KCNH1: variants seen among roughly 807,000 people sequenced by gnomAD.
The protein encoded by KCNH1 is voltage-gated delayed rectifier potassium channel KCNH1.
A neutral mutation model predicts 69.2 loss-of-function variants in KCNH1; 27 were observed. The ratio of observed to expected loss-of-function variants is 0.39; its 90% confidence interval spans 0.29 to 0.54. The LOEUF (loss-of-function observed/expected upper bound fraction) is 0.54, where lower values mean the gene tolerates loss of function less well. KCNH1 is among the 20% of genes least tolerant of loss of function. The pLI, the probability that KCNH1 is intolerant of heterozygous loss-of-function variation, is 0.68. For missense variants in KCNH1, 798 were observed against 1,261.6 expected (o/e 0.63, Z 5.57); for synonymous variants, 456 against 487.7 (o/e 0.93, Z 0.86).
At chr1:211,068,709 T>G (rs1168176904) in intron 5 of KCNH1, among the ~76,000 whole-genome samples, 1 of 152,150 alleles carries the variant, frequency 6.6e-6, no homozygotes, top group African/African-American at 2.4e-5. Context: ...TCTTCTTAGA[T>G]ACATCAGAGA....
chr1:210,718,224 T>A (rs887729876), intron 10 of KCNH1, among the ~76,000 whole-genome samples: 3 of 136,166 alleles, frequency 2.2e-5, no homozygotes, highest in African/African-American at 8.7e-5. Flanking sequence ...GCATAAAAAA[T>A]TATATATATA....
At chr1:210,915,396 C>T (rs1687314387) in intron 7 of KCNH1, among the ~76,000 whole-genome samples, 1 of 152,180 alleles carries the variant, frequency 6.6e-6, no homozygotes, top group Admixed American at 6.5e-5. Flanking sequence ...GACATCCTCT[C>T]CTAGATGTCA....
At chr1:210,811,440 G>A (rs1478553865) in intron 7 of KCNH1, among the ~76,000 whole-genome samples, 1 of 152,002 alleles carries the variant, frequency 6.6e-6, no homozygotes, top group African/African-American at 2.4e-5. Flanking sequence ...GTCACATTAG[G>A]GTTTAGCTTT....
intron 10 of KCNH1, among the ~76,000 whole-genome samples, chr1:210,750,954 C>A (rs945846130): frequency 2.0e-5 from 3 of 152,202 alleles, no homozygotes; most frequent in African/African-American, 7.2e-5. Flanking sequence ...CAAGTTCTGG[C>A]ACCTAGTCCA....
At chr1:210,823,223 C>T (rs184772862) in intron 7 of KCNH1, among the ~76,000 whole-genome samples, 26 of 152,092 alleles carry the variant, frequency 1.7e-4, no homozygotes, top group African/African-American at 6.0e-4. Flanking sequence ...AGTGGTCATA[C>T]ATGTGAAGAG....
At chr1:210,684,756 T>C (rs1206987293) in intron 10 of KCNH1, among the ~76,000 whole-genome samples, 1 of 152,176 alleles carries the variant, frequency 6.6e-6, no homozygotes, top group Non-Finnish European at 1.5e-5. Context: ...CTTGGGGAGC[T>C]TACAGTAGAC....
intron 3 of KCNH1, 26 bp from the exon 4 acceptor site, chr1:211,090,716 C>A: frequency 6.3e-7 from 1 of 1,586,776 alleles, no homozygotes; most frequent in South Asian, 1.2e-5. Context: ...AAAGGTTGGT[C>A]AGTAATTTGC....
chr1:210,986,929 T>G (rs1688850134), intron 6 of KCNH1, among the ~76,000 whole-genome samples: 1 of 152,202 alleles, frequency 6.6e-6, no homozygotes, highest in Non-Finnish European at 1.5e-5. Context: ...ACCAGTCAGA[T>G]GTAGATTTGG....
At chr1:210,858,123 A>G (rs2102476816) in intron 7 of KCNH1, 2 of 152,360 alleles carry the variant, frequency 1.3e-5, no homozygotes, top group Middle Eastern at 6.8e-3. Flanking sequence ...ATCAAGACAT[A>G]ATAGCTGAAT....
At chr1:210,866,514 G>A (rs1686114040) in intron 7 of KCNH1, among the ~76,000 whole-genome samples, 2 of 152,110 alleles carry the variant, frequency 1.3e-5, no homozygotes, top group South Asian at 4.1e-4. Context: ...ATGAAAAGAT[G>A]TTCAACATCC....
At chr1:211,075,257 T>C (rs1690713109) in intron 5 of KCNH1, among the ~76,000 whole-genome samples, 2 of 152,368 alleles carry the variant, frequency 1.3e-5, no homozygotes, top group South Asian at 4.1e-4. Context: ...ATATCTGTCC[T>C]TGTCCAAAAT....
At chr1:211,027,746 T>C (rs750446564) in intron 5 of KCNH1, among the ~76,000 whole-genome samples, 2 of 152,020 alleles carry the variant, frequency 1.3e-5, no homozygotes, top group Non-Finnish European at 2.9e-5. Context: ...AATTACATAA[T>C]GATAAAAGCA....
chr1:211,091,184 A>C (rs772157522), intron 3 of KCNH1, among the ~76,000 whole-genome samples: 1 of 152,088 alleles, frequency 6.6e-6, no homozygotes, highest in Non-Finnish European at 1.5e-5. Context: ...CCAATCACAC[A>C]TGGGCCAGAA....
intron 3 of KCNH1, among the ~76,000 whole-genome samples, chr1:211,093,278 T>C (rs1243926711): frequency 6.6e-6 from 1 of 152,174 alleles, no homozygotes; most frequent in East Asian, 1.9e-4. Flanking sequence ...TTCAAACTTA[T>C]CACGAATGAA....
At chr1:211,024,957 A>G (rs1689659539) in intron 5 of KCNH1, among the ~76,000 whole-genome samples, 2 of 152,190 alleles carry the variant, frequency 1.3e-5, no homozygotes, top group Admixed American at 1.3e-4. Flanking sequence ...CAGGATCACA[A>G]AACAGATCTA....
At chr1:210,947,239 A>C (rs1687974085) in intron 6 of KCNH1, among the ~76,000 whole-genome samples, 1 of 152,112 alleles carries the variant, frequency 6.6e-6, no homozygotes, top group African/African-American at 2.4e-5. Context: ...TACCCCATTC[A>C]TACCACTGGG....
At chr1:210,937,322 G>C (rs190770299) in intron 6 of KCNH1, among the ~76,000 whole-genome samples, 2 of 152,192 alleles carry the variant, frequency 1.3e-5, no homozygotes, top group African/African-American at 4.8e-5. Context: ...TGTCTCAACT[G>C]TCTTCCTGTG....
chr1:210,842,054 T>C (rs1685424566), intron 7 of KCNH1, among the ~76,000 whole-genome samples: 1 of 152,112 alleles, frequency 6.6e-6, no homozygotes, highest in South Asian at 2.1e-4. Context: ...CTGTAGGTGA[T>C]AAACACTGAC....
chr1:210,875,239 C>T (rs1351384312), intron 7 of KCNH1, among the ~76,000 whole-genome samples: 1 of 152,042 alleles, frequency 6.6e-6, no homozygotes, highest in Non-Finnish European at 1.5e-5. Context: ...TCAAAATTAC[C>T]TTTAATAGTA....
Sources: gnomAD v4.1 joint callset for allele counts (sites outside exome capture counted in the v4.1 genomes callset) on GRCh38, gnomAD v4.1.1 for gene constraint, MANE v1.5 for transcripts, NCBI Gene and HGNC (gene_info 2026-07-23, HGNC 2026-07-21) for gene names.